CADM1: variants seen among roughly 807,000 people sequenced by gnomAD.
CADM1 encodes cell adhesion molecule 1.
Under a neutral mutation model 53.1 loss-of-function variants are expected in CADM1, and 15 were observed. The ratio of observed to expected loss-of-function variants is 0.28; its 90% CI spans 0.19 to 0.44. The LOEUF (loss-of-function observed/expected upper bound fraction) is 0.44. Among genes scored for constraint, CADM1 ranks in the 20% least tolerant of loss-of-function variants. The pLI is 1.00. For missense variants in CADM1, 434 were observed against 611.3 expected (o/e 0.71, Z 3.06); for synonymous variants, 281 against 243.0 (o/e 1.16, Z -1.45).
At chr11:115,382,098 G>A (rs928358697) in intron 1 of CADM1, among the ~76,000 whole-genome samples, 10 of 152,132 alleles carry the variant, frequency 6.6e-5, no homozygotes, top group Admixed American at 6.5e-4. Flanking sequence ...ACCCGCCTCG[G>A]CCTCCCAAAG....
At chr11:115,380,225 G>GA (rs1946540587) in intron 1 of CADM1, among the ~76,000 whole-genome samples, 1 of 242 alleles carries the variant, frequency 4.1e-3, no homozygotes, top group Non-Finnish European at 8.5e-3. Context: ...TACAATCGGG[G>GA]GAAGAAAGAA....
At position 115,443,897 on chromosome 11, in the gene CADM1, T is replaced by C. The variant is rs183764501; in HGVS notation, c.124+60374A>G. Among the ~76,000 whole-genome samples, 3 of 152,308 alleles carry C rather than the reference T, an allele frequency of 2.0e-5. No homozygotes were observed. The East Asian group carries it at 5.8e-4, about 29-fold the overall frequency. Reference sequence around the variant, plus strand: ...ACAAACTGCTATGGGAGCACGACTTTTGGGGATACCCAACTTTTTCAGTAT... The same window carrying C: ...ACAAACTGCTATGGGAGCACGACTTCTGGGGATACCCAACTTTTTCAGTAT... On this transcript the variant is annotated intron_variant, in intron 1 of 11. Transcript: ENST00000331581.
At chr11:115,503,655 G>T (rs969132534) in intron 1 of CADM1, among the ~76,000 whole-genome samples, 1 of 152,194 alleles carries the variant, frequency 6.6e-6, no homozygotes, top group African/African-American at 2.4e-5. Context: ...GGCTGCGAAC[G>T]GCCGGAGGGA....
At chr11:115,475,332 C>T (rs1222275212) in intron 1 of CADM1, among the ~76,000 whole-genome samples, 1 of 151,828 alleles carries the variant, frequency 6.6e-6, no homozygotes, top group Non-Finnish European at 1.5e-5. Context: ...TATTTTCTAT[C>T]TGAAGCTGGT....
chr11:115,337,301 C>T (rs1025927567), intron 1 of CADM1, among the ~76,000 whole-genome samples: 8 of 152,158 alleles, frequency 5.3e-5, no homozygotes, highest in African/African-American at 1.7e-4. Flanking sequence ...AGGTTGTAGA[C>T]ATTAGGTGTT....
chr11:115,212,391 C>T (rs534109092), intron 7 of CADM1, among the ~76,000 whole-genome samples: 3 of 152,274 alleles, frequency 2.0e-5, no homozygotes, highest in African/African-American at 7.2e-5. Context: ...ACTAGTAATA[C>T]CTTAGGCTAA....
At chr11:115,275,760 A>T (rs1045557921) in intron 1 of CADM1, among the ~76,000 whole-genome samples, 1 of 152,232 alleles carries the variant, frequency 6.6e-6, no homozygotes. Flanking sequence ...AGCCTTAATA[A>T]GGAGAAAAAT....
At chr11:115,409,786 G>T (rs1371403877) in intron 1 of CADM1, among the ~76,000 whole-genome samples, 1 of 152,068 alleles carries the variant, frequency 6.6e-6, no homozygotes. Context: ...ATAGCATTAG[G>T]GCAGGGATAA....
At chr11:115,475,236 T>G (rs1476903012) in intron 1 of CADM1, among the ~76,000 whole-genome samples, 2 of 152,208 alleles carry the variant, frequency 1.3e-5, no homozygotes, top group African/African-American at 4.8e-5. Flanking sequence ...ACTATATTTT[T>G]TATTTGTATC....
chr11:115,338,877 A>ATTTTTTTTTTTTTTATT (rs56300408), intron 1 of CADM1, among the ~76,000 whole-genome samples: 1 of 127,742 alleles, frequency 7.8e-6, no homozygotes, highest in Non-Finnish European at 1.6e-5. Context: ...TATTTTTTTT[A>ATTTTTTTTTTTTTTATT]TTTTTTTTTT....
rs113502679 is a variant in CADM1, at chr11:115,477,096, G to A, written c.124+27175C>T. On this transcript the variant is annotated intron_variant, in intron 1 of 11. Coordinates refer to ENST00000331581, the MANE Select transcript of CADM1 (RefSeq NM_001301043.2). ...AGGGCAGGATAGCATAGGGTAGACAGGATAGGATGGTGCACAGATTAAGGT... is the reference window on the plus strand; with the variant it reads ...AGGGCAGGATAGCATAGGGTAGACAAGATAGGATGGTGCACAGATTAAGGT... Among the ~76,000 whole-genome samples, 340 of 152,152 alleles carry A rather than the reference G, an allele frequency of 2.2e-3. 1 individual carries two copies. The highest frequency in any genetic ancestry group is 6.6e-3 in the African/African-American group (275 of 41,500).
intron 1 of CADM1, among the ~76,000 whole-genome samples, chr11:115,489,586 T>C (rs561236713): frequency 1.3e-5 from 2 of 152,364 alleles, no homozygotes; most frequent in African/African-American, 4.8e-5. Context: ...GGTCTTTACA[T>C]ATACATGGGA....
chr11:115,238,513 G>A lies in CADM1; in HGVS notation c.411C>T (p.Thr137=). ...TGCGTTTCTTACCCAGGACTGTGAT[G>A]GTGGTGTAACTTTCCTGTGGGGGAT... ...YTDPPQESYT[T]ITVLVPPRNL... Residue 137 remains threonine, a synonymous_variant, in exon 3 of 12, where the codon ACC becomes ACT. Coordinates refer to ENST00000331581, the MANE Select transcript of CADM1 (RefSeq NM_001301043.2). 1 of 1,613,852 alleles carries A rather than the reference G, an allele frequency of 6.2e-7. No homozygotes were observed.
At chr11:115,360,653 A>T (rs1372563759) in intron 1 of CADM1, among the ~76,000 whole-genome samples, 2 of 152,208 alleles carry the variant, frequency 1.3e-5, no homozygotes, top group African/African-American at 4.8e-5. Flanking sequence ...GTGCTGATGC[A>T]CAGAAAGGAA....
At chr11:115,260,435 CT>C (rs1942937146) in intron 1 of CADM1, among the ~76,000 whole-genome samples, 1 of 152,230 alleles carries the variant, frequency 6.6e-6, no homozygotes, top group Admixed American at 6.5e-5. Context: ...TTGTATCATA[CT>C]GTATCAGGTA....
chr11:115,338,779 G>A (rs1472248170), intron 1 of CADM1, among the ~76,000 whole-genome samples: 3 of 151,760 alleles, frequency 2.0e-5, no homozygotes, highest in African/African-American at 7.3e-5. Flanking sequence ...GCATAAAAGT[G>A]ATAAGAAGAG....
At chr11:115,384,640 C>G (rs1946655768) in intron 1 of CADM1, among the ~76,000 whole-genome samples, 1 of 152,114 alleles carries the variant, frequency 6.6e-6, no homozygotes, top group South Asian at 2.1e-4. Flanking sequence ...CAAGTGAAAC[C>G]CTGGATTGTG....
intron 1 of CADM1, among the ~76,000 whole-genome samples, chr11:115,325,205 C>G (rs942307019): frequency 1.3e-5 from 2 of 152,136 alleles, no homozygotes; most frequent in Non-Finnish European, 2.9e-5. Flanking sequence ...AGATTATCTC[C>G]CCAGAGGGCT....
chr11:115,193,654 CAATTCAAGGTCA>C (rs1242466306), intron 9 of CADM1, among the ~76,000 whole-genome samples: 1 of 151,932 alleles, frequency 6.6e-6, no homozygotes, highest in African/African-American at 2.4e-5. Context: ...GATATTAAAT[CAATTCAAGGTCA>C]AATACGATTT....
Sources: allele counts gnomAD v4.1 joint callset (sites outside exome capture counted in the v4.1 genomes callset), GRCh38; gene constraint gnomAD v4.1.1; transcripts MANE v1.5; gene names NCBI Gene and HGNC (gene_info 2026-07-23, HGNC 2026-07-21).